The following PRUNE2 variants were observed in gnomAD, a reference collection of about 807,000 sequenced individuals.
PRUNE2 encodes prune homolog 2 with BCH domain.
Under a neutral mutation model 252.0 loss-of-function variants are expected in PRUNE2, and 164 were observed. The observed-to-expected ratio is 0.65, with a 90% CI of 0.57 to 0.74. The LOEUF (loss-of-function observed/expected upper bound fraction) is 0.74. PRUNE2 is among the 30% of genes least tolerant of loss of function. PRUNE2 has a pLI of 0.00. For synonymous variants in PRUNE2, 1,292 were observed against 1,350.2 expected, an observed-to-expected ratio of 0.96 and a Z score of 0.94; for missense variants, 3,495 against 3,711.0, an observed-to-expected ratio of 0.94 and a Z score of 1.51.
intron 1 of PRUNE2, among the ~76,000 whole-genome samples, chr9:76,902,771 C>A (rs1036188200): frequency 5.3e-5 from 8 of 152,170 alleles, no homozygotes; most frequent in African/African-American, 1.9e-4. Flanking sequence ...AGAAGTCAGG[C>A]CCACATGAGA....
rs761245630 is a variant in PRUNE2 at position 76,826,535 on chromosome 9, T to A, written c.661+45A>T. 5 of 1,430,170 alleles carry A rather than the reference T, an allele frequency of 3.5e-6. No individual in the cohort carries two copies. In the African/African-American group the frequency reaches 7.2e-5, roughly 21 times the overall value. The allele number at this position is 1,430,170 out of a possible 1,614,324, so 88.6% of individuals were successfully genotyped here. A position where few individuals can be genotyped will look rare whatever the true frequency, so the allele number is the denominator to read the frequency against. On this transcript the variant is annotated intron_variant, in intron 5 of 18. Coordinates refer to ENST00000376718, the MANE Select transcript of PRUNE2 (RefSeq NM_015225.3). ...TGATGATGCTCCATGCCACAAACCA[T>A]CCCTACTCGGGAGGGACAAGAGAGC... is the stretch of plus-strand genomic sequence containing the variant.
chr9:76,641,177 C>T (rs1332288424), intron 12 of PRUNE2, among the ~76,000 whole-genome samples: 1 of 151,794 alleles, frequency 6.6e-6, no homozygotes. Flanking sequence ...TAAGAAATGT[C>T]TCGATATAAA....
chr9:76,635,264 G>T (rs768068571), intron 15 of PRUNE2, among the ~76,000 whole-genome samples: 1 of 152,080 alleles, frequency 6.6e-6, no homozygotes, highest in African/African-American at 2.4e-5. Context: ...GAGCCACCCC[G>T]CTTGGCTGCT....
At chr9:76,638,141 G>A in intron 13 of PRUNE2, 45 bp downstream of exon 13, 1 of 1,223,952 alleles carries the variant, frequency 8.2e-7, no homozygotes, top group Non-Finnish European at 1.2e-6. Flanking sequence ...GCCATTACAT[G>A]CCACAGACAT....
intron 6 of PRUNE2, among the ~76,000 whole-genome samples, chr9:76,748,440 C>T (rs865823362): frequency 2.0e-5 from 3 of 152,018 alleles, no homozygotes; most frequent in Admixed American, 6.5e-5. Context: ...AAATTCTGAA[C>T]GGGACATCTT....
intron 6 of PRUNE2, among the ~76,000 whole-genome samples, chr9:76,766,093 G>T (rs1054275240): frequency 4.0e-5 from 6 of 150,264 alleles, no homozygotes; most frequent in Non-Finnish European, 3.0e-5. Context: ...TGAGGCAGGA[G>T]AATCGCTTGA....
intron 6 of PRUNE2, among the ~76,000 whole-genome samples, chr9:76,743,274 T>G (rs749091606): frequency 6.6e-6 from 1 of 152,190 alleles, no homozygotes; most frequent in Non-Finnish European, 1.5e-5. Context: ...TACAGAGAGC[T>G]ACAACAAAAT....
In PRUNE2 at chr9:76,707,400, C is replaced by T; in HGVS notation, c.4874G>A (p.Trp1625Ter). The T allele has an allele frequency of 6.2e-7, 1 of 1,613,950 alleles. No individual in the cohort carries two copies. Among genetic ancestry groups the T allele is most frequent in the Non-Finnish European group, 8.5e-7 (1 of 1,179,842 alleles). The change falls in exon 8 of 19, where the codon TGG (tryptophan) becomes TAG (stop). Residue 1625 changes from tryptophan (W) to a stop codon, truncating the protein, a stop_gained. Coordinates refer to ENST00000376718, the MANE Select transcript of PRUNE2 (RefSeq NM_015225.3). LOFTEE classifies it high-confidence loss of function. ...GGAATCACCATCAACTGAGTCATTC[C>T]AGATCTCTAAAAATGTAGGAGTTTT... ...DRKTPTFLEIWNDSVDGDSFS... is the reference protein window; with the variant it reads ...DRKTPTFLEI
At chr9:76,836,497 A>T (rs950842239) in intron 4 of PRUNE2, among the ~76,000 whole-genome samples, 2 of 151,834 alleles carry the variant, frequency 1.3e-5, no homozygotes, top group Non-Finnish European at 2.9e-5. Context: ...AAGCTAAAAG[A>T]TTTTCTTTCC....
At chr9:76,788,581 T>C (rs767473939) in intron 6 of PRUNE2, 3 of 706,570 alleles carry the variant, frequency 4.2e-6, no homozygotes, top group Non-Finnish European at 2.6e-6. Flanking sequence ...TGGCAAGTAT[T>C]GAATAAATGC....
intron 5 of PRUNE2, among the ~76,000 whole-genome samples, chr9:76,826,070 C>T (rs556435115): frequency 6.6e-6 from 1 of 152,314 alleles, no homozygotes; most frequent in South Asian, 2.1e-4. Flanking sequence ...ACACAAAGGC[C>T]TCGGAGGAGA....
intron 6 of PRUNE2, among the ~76,000 whole-genome samples, chr9:76,747,284 G>A (rs1397624403): frequency 1.3e-5 from 2 of 152,128 alleles, no homozygotes; most frequent in African/African-American, 4.8e-5. Context: ...CCCATTAAAA[G>A]AAAATTCTTT....
At chr9:76,766,043 C>T (rs1357531975) in intron 6 of PRUNE2, among the ~76,000 whole-genome samples, 1 of 151,846 alleles carries the variant, frequency 6.6e-6, no homozygotes, top group African/African-American at 2.4e-5. Flanking sequence ...AATAGCCGCG[C>T]GTGGTGGCAG....
chr9:76,710,004 C>T lies in PRUNE2; in HGVS notation c.2270G>A (p.Gly757Glu), dbSNP rs1036288190. 4 of 1,613,620 alleles carry T rather than the reference C, an allele frequency of 2.5e-6. No individual in the cohort carries two copies. Among genetic ancestry groups the T allele is most frequent in the Non-Finnish European group, 3.4e-6 (4 of 1,179,802 alleles). Residue 757 changes from glycine (G) to glutamate (E), a missense_variant, in exon 8 of 19, where the codon GGA becomes GAA. Physicochemically the swap from Gly to Glu is moderately conservative, Grantham distance 98. Coordinates refer to ENST00000376718, the MANE Select transcript of PRUNE2 (RefSeq NM_015225.3). ...AAAGTCTTCTATCAGGTGGTTTGTT[C>T]CTTGGGGAGATGTATTTGGCAAAGG... is the stretch of plus-strand genomic sequence containing the variant. ...KSPLPNTSPQ[G>E]TNHLIEDFAS...
chr9:76,826,073 G>A (rs747112088), intron 5 of PRUNE2, among the ~76,000 whole-genome samples: 2 of 152,152 alleles, frequency 1.3e-5, no homozygotes, highest in African/African-American at 2.4e-5. Flanking sequence ...CAAAGGCCTC[G>A]GAGGAGAGGC....
At chr9:76,697,320 G>A (rs1396407679) in intron 9 of PRUNE2, among the ~76,000 whole-genome samples, 1 of 152,158 alleles carries the variant, frequency 6.6e-6, no homozygotes, top group Non-Finnish European at 1.5e-5. Context: ...CTCTCTGGCT[G>A]TAAAATCCCT....
Position 76,760,760 on chromosome 9 carries a change from A to C in PRUNE2, c.757-47039T>G, listed in dbSNP as rs1218175448. On this transcript the variant is annotated intron_variant, in intron 6 of 18. Transcript: ENST00000376718. ...AACCCTGGCTCTCTACATGCATCTT[A>C]GATTTACTGCATTCATGCCTAGCAA... is the stretch of plus-strand genomic sequence containing the variant. 3.9e-5 allele frequency among the ~76,000 whole-genome samples: 6 copies of C among 152,108 alleles called. No individual in the cohort carries two copies. The East Asian group carries it at 1.2e-3, about 29-fold the overall frequency.
At position 76,629,215 on chromosome 9, in the gene PRUNE2, G is replaced by C; in HGVS notation, c.9126C>G (p.Ile3042Met). The change falls in exon 16 of 19, where the codon ATC (isoleucine) becomes ATG (methionine). Residue 3042 changes from isoleucine to methionine, a missense_variant. Coordinates refer to ENST00000376718, the MANE Select transcript of PRUNE2 (RefSeq NM_015225.3). ...ELSGLIPMDCIHIPESIIKLD... is the reference protein window; with the variant it reads ...ELSGLIPMDCMHIPESIIKLD... The stretch of plus-strand genomic sequence containing the variant: ...ACTTGATGATGCTCTCTGGAATGTG[G>C]ATGCAATCCATTGGGATCAGCCCAC... The C allele has an allele frequency of 6.2e-7, 1 of 1,602,870 alleles. No homozygotes were observed. The highest frequency in any genetic ancestry group is 8.5e-7 in the Non-Finnish European group (1 of 1,172,742).
chr9:76,719,353 C>T (rs1042749327), intron 6 of PRUNE2, among the ~76,000 whole-genome samples: 1 of 152,020 alleles, frequency 6.6e-6, no homozygotes, highest in Non-Finnish European at 1.5e-5. Flanking sequence ...AGACAATTCA[C>T]AACTGGAATT....
Sources: allele counts gnomAD v4.1 joint callset (sites outside exome capture counted in the v4.1 genomes callset), GRCh38; gene constraint gnomAD v4.1.1; transcripts MANE v1.5; gene names NCBI Gene and HGNC (gene_info 2026-07-23, HGNC 2026-07-21).